COL22A1: variants seen among roughly 807,000 people sequenced by gnomAD.
COL22A1 encodes collagen alpha-1(XXII) chain.
In COL22A1, 221 loss-of-function variants were observed where a neutral mutation model predicts 248.9. That is an observed-to-expected ratio of 0.89 (90% CI 0.80 to 0.99). The LOEUF (loss-of-function observed/expected upper bound fraction) is 0.99, where lower values mean the gene tolerates loss of function less well. COL22A1 is among the 50% of genes least tolerant of loss of function. COL22A1 has a pLI of 0.00. For synonymous variants in COL22A1, 891 were observed against 793.4 expected (o/e 1.12, Z -2.07); for missense variants, 2,240 against 2,179.0 (o/e 1.03, Z -0.56).
At chr8:138,826,983 C>T (rs543831164) in intron 5 of COL22A1, among the ~76,000 whole-genome samples, 7 of 152,284 alleles carry the variant, frequency 4.6e-5, no homozygotes, top group African/African-American at 7.2e-5. Context: ...TCATGACCCC[C>T]GAGGCTCCAA....
intron 31 of COL22A1, among the ~76,000 whole-genome samples, 166 bp downstream of exon 31, chr8:138,703,140 A>G (rs1262120977): frequency 6.6e-6 from 1 of 152,194 alleles, no homozygotes; most frequent in Non-Finnish European, 1.5e-5. Flanking sequence ...TGGTTCTTAG[A>G]GAAGTGTATA....
intron 4 of COL22A1, among the ~76,000 whole-genome samples, chr8:138,843,635 G>A (rs767456568): frequency 2.0e-5 from 3 of 152,086 alleles, no homozygotes; most frequent in Admixed American, 6.5e-5. Flanking sequence ...GAGACTCTGC[G>A]GTATTTCTTT....
intron 49 of COL22A1, among the ~76,000 whole-genome samples, chr8:138,633,877 C>T (rs994748607): frequency 1.3e-5 from 2 of 152,306 alleles, no homozygotes; most frequent in African/African-American, 2.4e-5. Flanking sequence ...CACAAATGTG[C>T]ACATGGCAGA....
At chr8:138,722,186 G>T in intron 25 of COL22A1, 97 bp from the exon 26 acceptor site, 2 of 1,007,106 alleles carry the variant, frequency 2.0e-6, no homozygotes, top group Non-Finnish European at 2.9e-6. Context: ...TTTGCAGCCA[G>T]AATGCAGGAG....
intron 30 of COL22A1, among the ~76,000 whole-genome samples, chr8:138,712,424 G>T (rs1563651732): frequency 6.6e-6 from 1 of 152,120 alleles, no homozygotes; most frequent in East Asian, 1.9e-4. Context: ...CTTACTCAGG[G>T]TGGGACTCCC....
intron 31 of COL22A1, among the ~76,000 whole-genome samples, chr8:138,702,883 C>G (rs934290162): frequency 6.6e-6 from 1 of 152,102 alleles, no homozygotes; most frequent in African/African-American, 2.4e-5. Context: ...GGTCTTCATG[C>G]CCTCAAAGCC....
intron 47 of COL22A1, among the ~76,000 whole-genome samples, chr8:138,642,698 C>T (rs1314262916): frequency 1.3e-5 from 2 of 152,114 alleles, no homozygotes; most frequent in East Asian, 3.9e-4. Context: ...GGAGCTAGCT[C>T]CTTATCTGTT....
At chr8:138,879,931 G>A (rs1022618707) in intron 2 of COL22A1, among the ~76,000 whole-genome samples, 3 of 152,166 alleles carry the variant, frequency 2.0e-5, no homozygotes, top group Non-Finnish European at 2.9e-5. Context: ...ACGAGAGTTG[G>A]AGGAGAATGC....
chr8:138,808,709 T>G (rs10107709), intron 9 of COL22A1, among the ~76,000 whole-genome samples: 72,718 of 152,072 alleles, frequency 0.48, 17,692 homozygotes, highest in Middle Eastern at 0.56. Flanking sequence ...ATTTATGTGT[T>G]CACTTAGTGC....
intron 23 of COL22A1, among the ~76,000 whole-genome samples, chr8:138,735,681 G>A (rs998624899): frequency 6.6e-6 from 1 of 152,148 alleles, no homozygotes; most frequent in Non-Finnish European, 1.5e-5. Context: ...CAGTGAATGT[G>A]AAATCTTTAG....
At chr8:138,618,449 T>C (rs1819506415) in intron 53 of COL22A1, among the ~76,000 whole-genome samples, 1 of 152,150 alleles carries the variant, frequency 6.6e-6, no homozygotes, top group Non-Finnish European at 1.5e-5. Flanking sequence ...CTGGCTGAAA[T>C]GTAGCCCCTG....
chr8:138,725,800 T>C (rs1052088247), intron 23 of COL22A1, among the ~76,000 whole-genome samples: 16 of 136,230 alleles, frequency 1.2e-4, no homozygotes, highest in South Asian at 4.9e-4. Flanking sequence ...CACACACACA[T>C]AGTCTGACCC....
At chr8:138,646,552 C>A (rs1344656959) in intron 47 of COL22A1, 77 bp downstream of exon 47, 12 of 1,175,212 alleles carry the variant, frequency 1.0e-5, no homozygotes, top group Non-Finnish European at 2.4e-6. Flanking sequence ...CACTGGCCAT[C>A]ACTCTTCCTT....
chr8:138,637,619 CTG>C (rs1009460448), intron 47 of COL22A1, among the ~76,000 whole-genome samples: 1 of 152,188 alleles, frequency 6.6e-6, no homozygotes, highest in African/African-American at 2.4e-5. Flanking sequence ...CACTTGCTAA[CTG>C]TGTGTCATTG....
At chr8:138,870,239 T>C (rs1823220681) in intron 3 of COL22A1, among the ~76,000 whole-genome samples, 1 of 151,828 alleles carries the variant, frequency 6.6e-6, no homozygotes, top group Non-Finnish European at 1.5e-5. Context: ...GGTGGGTGTG[T>C]CTATGGTGTC....
intron 10 of COL22A1, among the ~76,000 whole-genome samples, chr8:138,806,531 G>A (rs1365460928): frequency 6.6e-6 from 1 of 152,086 alleles, no homozygotes; most frequent in Non-Finnish European, 1.5e-5. Context: ...AGGAAGGGAA[G>A]AATGCCCAGC....
At chr8:138,892,155 G>C (rs1399020210) in intron 1 of COL22A1, among the ~76,000 whole-genome samples, 2 of 152,212 alleles carry the variant, frequency 1.3e-5, no homozygotes, top group South Asian at 2.1e-4. Flanking sequence ...CATAGAATGA[G>C]TTAAGAAGTA....
chr8:138,691,364 T>C (rs373230815), intron 35 of COL22A1, among the ~76,000 whole-genome samples: 6 of 149,796 alleles, frequency 4.0e-5, no homozygotes, highest in African/African-American at 1.2e-4. Context: ...TGTGGAGATG[T>C]GTGTATGCAT....
intron 41 of COL22A1, 133 bp downstream of exon 41, chr8:138,676,425 G>C (rs1312035734): frequency 3.3e-6 from 1 of 306,510 alleles, no homozygotes; most frequent in Non-Finnish European, 5.7e-6. Context: ...AAGAAAGAAA[G>C]AAAGAAAGAA....
Sources: allele counts gnomAD v4.1 joint callset (sites outside exome capture counted in the v4.1 genomes callset), GRCh38; gene constraint gnomAD v4.1.1; transcripts MANE v1.5; gene names NCBI Gene and HGNC (gene_info 2026-07-23, HGNC 2026-07-21).